SYNDIG1: variants seen among roughly 807,000 people sequenced by gnomAD.
SYNDIG1 encodes synapse differentiation-inducing gene protein 1.
A neutral mutation model predicts 19.4 loss-of-function variants in SYNDIG1; 9 were observed. The observed-to-expected ratio is 0.46, with a 90% CI of 0.28 to 0.81. The LOEUF (loss-of-function observed/expected upper bound fraction) is 0.81. Among genes scored for constraint, SYNDIG1 ranks in the 30% least tolerant of loss-of-function variants. The probability of loss-of-function intolerance (pLI) is 0.12; values close to 1 mark genes in which losing one functional copy is unlikely to be tolerated. For synonymous variants in SYNDIG1, 141 were observed against 145.9 expected (o/e 0.97, Z 0.24); for missense variants, 311 against 343.3 (o/e 0.91, Z 0.74).
intron 2 of SYNDIG1, among the ~76,000 whole-genome samples, chr20:24,568,157 AG>A (rs776397492): frequency 3.0e-4 from 46 of 152,308 alleles, no homozygotes; most frequent in Middle Eastern, 3.4e-3. Flanking sequence ...AACACAAAAA[AG>A]AAAGAAAAAG....
chr20:24,587,678 G>C (rs1026076935), intron 3 of SYNDIG1, among the ~76,000 whole-genome samples: 47 of 152,376 alleles, frequency 3.1e-4, no homozygotes, highest in African/African-American at 1.0e-3. Context: ...CAGGACTGGA[G>C]AGGGGGAAGC....
intron 1 of SYNDIG1, among the ~76,000 whole-genome samples, chr20:24,479,158 A>C (rs1030284337): frequency 2.0e-5 from 3 of 152,160 alleles, no homozygotes; most frequent in Non-Finnish European, 4.4e-5. Flanking sequence ...AAAAACAAGG[A>C]TGCAAATTGC....
chr20:24,530,434 C>A (rs2057232490), intron 1 of SYNDIG1, among the ~76,000 whole-genome samples: 1 of 152,210 alleles, frequency 6.6e-6, no homozygotes, highest in South Asian at 2.1e-4. Flanking sequence ...ATAGTAATAA[C>A]TGATCTGGTC....
chr20:24,573,102 T>C (rs2041320136), intron 2 of SYNDIG1, among the ~76,000 whole-genome samples: 1 of 152,156 alleles, frequency 6.6e-6, no homozygotes, highest in Admixed American at 6.5e-5. Context: ...TGTTCTGCTT[T>C]TGAGAGTGGG....
chr20:24,517,682 GTATA>G (rs1328057081), intron 1 of SYNDIG1, among the ~76,000 whole-genome samples: 2 of 137,294 alleles, frequency 1.5e-5, no homozygotes, highest in Non-Finnish European at 1.6e-5. Flanking sequence ...ATGTGTATAT[GTATA>G]TATATATACA....
intron 1 of SYNDIG1, among the ~76,000 whole-genome samples, chr20:24,471,482 T>C (rs2055454954): frequency 6.6e-6 from 1 of 151,122 alleles, no homozygotes; most frequent in Non-Finnish European, 1.5e-5. Context: ...CCCTCCCCTC[T>C]CTCTCCACCG....
intron 2 of SYNDIG1, among the ~76,000 whole-genome samples, chr20:24,553,249 AT>A (rs1328352456): frequency 6.6e-6 from 1 of 151,748 alleles, no homozygotes; most frequent in African/African-American, 2.4e-5. Context: ...ATTTTCTCCC[AT>A]TTTGTAGGTT....
chr20:24,492,412 A>G (rs541945056), intron 1 of SYNDIG1, among the ~76,000 whole-genome samples: 3 of 152,178 alleles, frequency 2.0e-5, no homozygotes, highest in African/African-American at 7.2e-5. Context: ...GGACATGTGC[A>G]TTGTCATCTA....
intron 1 of SYNDIG1, among the ~76,000 whole-genome samples, chr20:24,511,098 G>A (rs987928646): frequency 6.6e-6 from 1 of 152,160 alleles, no homozygotes; most frequent in African/African-American, 2.4e-5. Flanking sequence ...TATCTTAAAA[G>A]AGACTTACTT....
chr20:24,612,478 C>T (rs1047947044), intron 3 of SYNDIG1, among the ~76,000 whole-genome samples: 2 of 152,164 alleles, frequency 1.3e-5, no homozygotes, highest in Non-Finnish European at 2.9e-5. Flanking sequence ...CATCCCAAGC[C>T]GTAAGACTAA....
chr20:24,624,424 T>C (rs907480577), intron 3 of SYNDIG1, among the ~76,000 whole-genome samples: 4 of 152,098 alleles, frequency 2.6e-5, no homozygotes, highest in Non-Finnish European at 5.9e-5. Flanking sequence ...AAAGCTGACT[T>C]CAGAACAACA....
chr20:24,567,288 C>T (rs562120674), intron 2 of SYNDIG1, among the ~76,000 whole-genome samples: 2 of 152,318 alleles, frequency 1.3e-5, no homozygotes, highest in African/African-American at 4.8e-5. Context: ...ACAGCACAGA[C>T]TTCTGTGGCT....
intron 3 of SYNDIG1, among the ~76,000 whole-genome samples, chr20:24,634,718 AT>A (rs1328441118): frequency 6.6e-5 from 10 of 152,008 alleles, no homozygotes; most frequent in Admixed American, 5.2e-4. Flanking sequence ...CATTTTATTA[AT>A]TTGTAGACCT....
intron 1 of SYNDIG1, among the ~76,000 whole-genome samples, chr20:24,524,772 C>A (rs1391921613): frequency 6.6e-6 from 1 of 152,052 alleles, no homozygotes; most frequent in African/African-American, 2.4e-5. Flanking sequence ...TGATGTGAGT[C>A]CACTTCTTCA....
intron 3 of SYNDIG1, among the ~76,000 whole-genome samples, chr20:24,597,514 G>T (rs139634332): frequency 6.6e-6 from 1 of 152,032 alleles, no homozygotes; most frequent in Non-Finnish European, 1.5e-5. Context: ...GTGGTGGATC[G>T]GGGCTGGAAT....
chr20:24,513,732 C>T (rs1464568923), intron 1 of SYNDIG1, among the ~76,000 whole-genome samples: 1 of 152,174 alleles, frequency 6.6e-6, no homozygotes, highest in East Asian at 1.9e-4. Flanking sequence ...CTTCCCCAAC[C>T]TAGCAAGGCA....
chr20:24,636,416 CT>C (rs1290332716), intron 3 of SYNDIG1, among the ~76,000 whole-genome samples: 2 of 152,148 alleles, frequency 1.3e-5, no homozygotes, highest in Non-Finnish European at 2.9e-5. Context: ...CTGAGTGGGT[CT>C]TCTAGTCCAT....
At chr20:24,479,523 A>G (rs1449078314) in intron 1 of SYNDIG1, among the ~76,000 whole-genome samples, 2 of 151,582 alleles carry the variant, frequency 1.3e-5, no homozygotes, top group African/African-American at 4.9e-5. Flanking sequence ...TTCCCTTCCC[A>G]TGCCCCTTCC....
chr20:24,560,638 T>TA (rs1450920389), intron 2 of SYNDIG1, among the ~76,000 whole-genome samples: 1 of 151,978 alleles, frequency 6.6e-6, no homozygotes, highest in Non-Finnish European at 1.5e-5. Context: ...GTCTTTTTTT[T>TA]ACTGAATCCA....
Sources: allele counts gnomAD v4.1 joint callset (sites outside exome capture counted in the v4.1 genomes callset), GRCh38; gene constraint gnomAD v4.1.1; transcripts MANE v1.5; gene names NCBI Gene and HGNC (gene_info 2026-07-23, HGNC 2026-07-21).